ROBO2: variants seen among roughly 807,000 people sequenced by gnomAD.
The protein encoded by ROBO2 is roundabout guidance receptor 2.
In ROBO2, 53 loss-of-function variants were observed where a neutral mutation model predicts 160.8. That is an observed-to-expected ratio of 0.33 (90% confidence interval 0.26 to 0.41). The LOEUF is 0.41. Ranked by LOEUF, ROBO2 falls within the 10% of genes least tolerant of loss-of-function variation. The probability of loss-of-function intolerance (pLI) is 1.00; values close to 1 mark genes in which losing one functional copy is unlikely to be tolerated. For missense variants in ROBO2, 1,577 were observed against 1,722.4 expected, an observed-to-expected ratio of 0.92 and a Z score of 1.49; for synonymous variants, 664 against 611.7, an observed-to-expected ratio of 1.09 and a Z score of -1.26.
At chr3:77,025,574 AG>A (rs1301001295) in intron 2 of ROBO2, among the ~76,000 whole-genome samples, 1 of 152,244 alleles carries the variant, frequency 6.6e-6, no homozygotes, top group Non-Finnish European at 1.5e-5. Context: ...GTTAGACAAA[AG>A]ATTCATGATT....
intron 2 of ROBO2, among the ~76,000 whole-genome samples, chr3:77,119,094 C>A (rs2074486925): frequency 6.6e-6 from 1 of 152,090 alleles, no homozygotes; most frequent in South Asian, 2.1e-4. Context: ...AAGTGTTTAG[C>A]ACTTCCCCCT....
chr3:76,894,376 G>C (rs1284369692), intron 2 of ROBO2, among the ~76,000 whole-genome samples: 1 of 152,064 alleles, frequency 6.6e-6, no homozygotes, highest in Non-Finnish European at 1.5e-5. Context: ...TTAAGTCTTA[G>C]AAGTCTTTTA....
intron 2 of ROBO2, among the ~76,000 whole-genome samples, chr3:77,171,846 A>T (rs951349071): frequency 3.3e-5 from 5 of 152,202 alleles, no homozygotes; most frequent in African/African-American, 7.2e-5. Flanking sequence ...AAAGAAAAAG[A>T]TCAGCATTTC....
rs529961753 is a variant in ROBO2 at position 76,854,484 on chromosome 3, T to G, written c.110-243530T>G. 3.3e-5 allele frequency among the ~76,000 whole-genome samples: 5 copies of G among 152,288 alleles called. No homozygotes were observed. The East Asian group carries it at 9.7e-4, about 29-fold the overall frequency. On this transcript the variant is annotated intron_variant, in intron 2 of 26. Transcript: ENST00000487694. ...TTCCACCAACAATGAATGACTGTGA[T>G]TGTGCAAACTTTTGAGAACTCAGCA...
At chr3:77,449,998 G>A (rs575540456) in intron 2 of ROBO2, among the ~76,000 whole-genome samples, 1 of 151,166 alleles carries the variant, frequency 6.6e-6, no homozygotes, top group South Asian at 2.1e-4. Flanking sequence ...TTCAGCTCTA[G>A]CAAAATAAAA....
At chr3:77,046,134 G>A (rs991047245) in intron 1 of ROBO2, among the ~76,000 whole-genome samples, 2 of 152,272 alleles carry the variant, frequency 1.3e-5, no homozygotes, top group African/African-American at 2.4e-5. Flanking sequence ...TGGGTTGTAT[G>A]TTTAGTCTGT....
At chr3:76,020,970 C>A (rs1489783436) in intron 2 of ROBO2, among the ~76,000 whole-genome samples, 1 of 151,852 alleles carries the variant, frequency 6.6e-6, no homozygotes, top group Non-Finnish European at 1.5e-5. Flanking sequence ...CTTGCACCCA[C>A]ATCCTTTACT....
intron 2 of ROBO2, among the ~76,000 whole-genome samples, chr3:76,590,292 A>G (rs552436176): frequency 6.6e-6 from 1 of 152,284 alleles, no homozygotes; most frequent in South Asian, 2.1e-4. Flanking sequence ...GATGCAAAAT[A>G]CTGAATCCTT....
intron 2 of ROBO2, among the ~76,000 whole-genome samples, chr3:76,811,054 C>T (rs1295484716): frequency 1.3e-5 from 2 of 152,134 alleles, no homozygotes; most frequent in African/African-American, 4.8e-5. Context: ...TGGACAAACT[C>T]ATAGTGTTGC....
At chr3:75,980,017 T>C (rs583883) in intron 2 of ROBO2, among the ~76,000 whole-genome samples, 107,878 of 151,432 alleles carry the variant, frequency 0.71, 41,321 homozygotes, top group South Asian at 0.89. Context: ...GTCAGTGACA[T>C]TTTTCAAGTT....
chr3:76,330,495 T>C (rs6799032), intron 2 of ROBO2, among the ~76,000 whole-genome samples: 2,164 of 152,294 alleles, frequency 0.014, 47 homozygotes, highest in African/African-American at 0.049. Flanking sequence ...ATAACAGAAA[T>C]GTAAGTGGTA....
At chr3:76,240,294 C>A (rs533839420) in intron 2 of ROBO2, among the ~76,000 whole-genome samples, 13 of 151,936 alleles carry the variant, frequency 8.6e-5, no homozygotes, top group African/African-American at 2.7e-4. Flanking sequence ...CCCCACCCCC[C>A]GACAGGCCCC....
At chr3:76,641,474 T>G (rs2090671198) in intron 2 of ROBO2, among the ~76,000 whole-genome samples, 1 of 152,082 alleles carries the variant, frequency 6.6e-6, no homozygotes. Context: ...ACTGACCACC[T>G]TTTTTCAAAA....
At chr3:76,796,537 A>G (rs1054638615) in intron 2 of ROBO2, among the ~76,000 whole-genome samples, 1 of 143,742 alleles carries the variant, frequency 7.0e-6, no homozygotes. Context: ...GGAAGGAAGG[A>G]AGGGAGGAGC....
At chr3:77,166,965 A>G (rs1270896996) in intron 2 of ROBO2, among the ~76,000 whole-genome samples, 4 of 152,184 alleles carry the variant, frequency 2.6e-5, no homozygotes, top group African/African-American at 9.7e-5. Context: ...ATTGCTATTT[A>G]TGATGTTTCT....
intron 1 of ROBO2, among the ~76,000 whole-genome samples, chr3:77,095,184 G>GTTT (rs1391296796): frequency 6.6e-6 from 1 of 152,008 alleles, no homozygotes; most frequent in Non-Finnish European, 1.5e-5. Context: ...GTTCTTTGAT[G>GTTT]TTTTTATTAA....
intron 19 of ROBO2, among the ~76,000 whole-genome samples, chr3:77,597,328 A>AAATAAAT (rs2094330250): frequency 1.5e-5 from 2 of 131,468 alleles, no homozygotes; most frequent in East Asian, 2.4e-4. Flanking sequence ...AATAAATAAA[A>AAATAAAT]AAGACAAAAA....
chr3:76,102,857 C>T (rs1033538081), intron 2 of ROBO2, among the ~76,000 whole-genome samples: 1 of 150,904 alleles, frequency 6.6e-6, no homozygotes, highest in African/African-American at 2.4e-5. Context: ...TGGAGTCTCA[C>T]TCTGTCGCCC....
chr3:76,652,002 C>T (rs2091278843), intron 2 of ROBO2, among the ~76,000 whole-genome samples: 1 of 152,146 alleles, frequency 6.6e-6, no homozygotes, highest in African/African-American at 2.4e-5. Flanking sequence ...GGATGTCGCT[C>T]CCTGCAGGAT....
Sources: gnomAD v4.1 joint callset for allele counts (sites outside exome capture counted in the v4.1 genomes callset) on GRCh38, gnomAD v4.1.1 for gene constraint, MANE v1.5 for transcripts, NCBI Gene and HGNC (gene_info 2026-07-23, HGNC 2026-07-21) for gene names.